ABAT: variants seen among roughly 807,000 people sequenced by gnomAD.
ABAT encodes 4-aminobutyrate aminotransferase, mitochondrial.
Under a neutral mutation model 64.6 loss-of-function variants are expected in ABAT, and 45 were observed. The observed-to-expected ratio is 0.70, with a 90% CI of 0.55 to 0.89. The LOEUF (loss-of-function observed/expected upper bound fraction) is 0.89. Among genes scored for constraint, ABAT ranks in the 40% least tolerant of loss-of-function variants. ABAT has a pLI of 0.00. For missense variants in ABAT, 633 were observed against 658.4 expected (o/e 0.96, Z 0.42); for synonymous variants, 297 against 250.5 (o/e 1.19, Z -1.75).
intron 2 of ABAT, among the ~76,000 whole-genome samples, chr16:8,740,732 T>C (rs2059140061): frequency 6.6e-6 from 1 of 152,248 alleles, no homozygotes; most frequent in Admixed American, 6.5e-5. Flanking sequence ...CTTATGTTGG[T>C]AAATAGAATA....
chr16:8,721,379 G>C (rs1378630730), intron 1 of ABAT, among the ~76,000 whole-genome samples: 1 of 152,120 alleles, frequency 6.6e-6, no homozygotes, highest in Non-Finnish European at 1.5e-5. Context: ...GTAATTAACA[G>C]TAGTTCTCAG....
intron 1 of ABAT, among the ~76,000 whole-genome samples, chr16:8,677,774 G>A (rs952821136): frequency 6.6e-6 from 1 of 152,136 alleles, no homozygotes; most frequent in Non-Finnish European, 1.5e-5. Flanking sequence ...TCTAATACAT[G>A]GCCTTAAACA....
chr16:8,720,554 C>T (rs978704357), intron 1 of ABAT, among the ~76,000 whole-genome samples: 12 of 152,168 alleles, frequency 7.9e-5, no homozygotes, highest in African/African-American at 2.7e-4. Context: ...CAGCTGAAGT[C>T]GGAGGAGAAA....
At position 8,784,532 on chromosome 16, in the gene ABAT, G is replaced by T. The variant is rs1354513082; in HGVS notation, c.*3102G>T. 6.6e-6 allele frequency: 1 copy of T among 152,062 alleles called. No homozygotes were observed. Among genetic ancestry groups the T allele is most frequent in the Non-Finnish European group, 1.5e-5 (1 of 68,036 alleles). The allele number at this position is 152,062 out of a possible 1,614,324, so 9.4% of individuals were successfully genotyped here. On this transcript the variant is annotated 3_prime_UTR_variant, in exon 16 of 16. Coordinates refer to ENST00000268251, the MANE Select transcript of ABAT (RefSeq NM_020686.6). ...ATTCCATGAATTAAATCTGTTTCCTGTGTTAGTCAGTATTCTTAAATAAAA... is the reference window on the plus strand; with the variant it reads ...ATTCCATGAATTAAATCTGTTTCCTTTGTTAGTCAGTATTCTTAAATAAAA...
intron 5 of ABAT, among the ~76,000 whole-genome samples, 173 bp from the exon 6 acceptor site, chr16:8,757,584 G>C (rs959163308): frequency 1.3e-5 from 2 of 152,182 alleles, no homozygotes; most frequent in African/African-American, 4.8e-5. Context: ...TCTGAGTCAG[G>C]GATGTTAGGT....
intron 1 of ABAT, among the ~76,000 whole-genome samples, chr16:8,726,410 G>A (rs531316806): frequency 1.3e-5 from 2 of 151,984 alleles, no homozygotes; most frequent in Non-Finnish European, 2.9e-5. Flanking sequence ...ACAGGCATGG[G>A]TCACCACACC....
intron 1 of ABAT, among the ~76,000 whole-genome samples, chr16:8,689,529 C>T (rs1242365096): frequency 6.6e-6 from 1 of 152,222 alleles, no homozygotes; most frequent in African/African-American, 2.4e-5. Context: ...ATCATATGCA[C>T]AACTTCTACC....
At chr16:8,710,055 C>T (rs186364725) in intron 1 of ABAT, among the ~76,000 whole-genome samples, 14 of 152,096 alleles carry the variant, frequency 9.2e-5, no homozygotes, top group South Asian at 4.2e-4. Flanking sequence ...TCAAGGAATC[C>T]GCCCACTTTG....
intron 14 of ABAT, among the ~76,000 whole-genome samples, chr16:8,777,692 T>G (rs889681699): frequency 2.0e-5 from 3 of 152,160 alleles, no homozygotes; most frequent in Admixed American, 2.0e-4. Context: ...GTGTTCAAAC[T>G]GCCAGCTCCC....
chr16:8,727,650 C>T (rs576162081), intron 1 of ABAT, among the ~76,000 whole-genome samples: 29 of 152,252 alleles, frequency 1.9e-4, no homozygotes, highest in Admixed American at 9.8e-4. Flanking sequence ...AGAAAGTATT[C>T]ACATGATGGG....
At chr16:8,745,855 C>T in intron 2 of ABAT, 146 bp from the exon 3 acceptor site, 1 of 772,508 alleles carries the variant, frequency 1.3e-6, no homozygotes, top group Non-Finnish European at 2.2e-6. Context: ...TTGGTCTGTC[C>T]AGACACAGTG....
At chr16:8,758,521 G>A (rs566217800) in intron 6 of ABAT, among the ~76,000 whole-genome samples, 10 of 152,192 alleles carry the variant, frequency 6.6e-5, no homozygotes, top group East Asian at 5.8e-4. Context: ...GTTTTCAGAC[G>A]CCACCTAGGC....
chr16:8,687,096 A>G (rs1567270480), intron 1 of ABAT, among the ~76,000 whole-genome samples: 1 of 152,122 alleles, frequency 6.6e-6, no homozygotes, highest in Non-Finnish European at 1.5e-5. Flanking sequence ...CTTGAGAGGA[A>G]GAGATGGTGG....
At chr16:8,681,085 A>T (rs147676650) in intron 1 of ABAT, among the ~76,000 whole-genome samples, 4,250 of 150,950 alleles carry the variant, frequency 0.028, 100 homozygotes, top group Non-Finnish European at 0.039. Flanking sequence ...AAGCTCAAAC[A>T]ATCCTTCTGC....
Position 8,735,784 on chromosome 16 carries a change from G to A in ABAT, c.45G>A (p.Gln15=), listed in dbSNP as rs138270964. 1.9e-6 allele frequency: 3 copies of A among 1,607,430 alleles called. No homozygotes were observed. The highest frequency in any genetic ancestry group is 1.3e-5 in the African/African-American group (1 of 74,894). ...LLAQRLACSF[Q]HSYRLLVPGS... is the part of the protein sequence containing the mutation. Reference sequence around the variant, plus strand: ...CCCAGCGCCTGGCCTGCAGCTTCCAGCACAGCTACCGCCTGCTGGTGCCTG... The same window carrying A: ...CCCAGCGCCTGGCCTGCAGCTTCCAACACAGCTACCGCCTGCTGGTGCCTG... Residue 15 remains glutamine, a synonymous_variant, in exon 2 of 16, where the codon CAG becomes CAA. Transcript: ENST00000268251.
Position 8,783,571 on chromosome 16 carries a change from A to G in ABAT, c.*2141A>G, listed in dbSNP as rs2060486152. On this transcript the variant is annotated 3_prime_UTR_variant, in exon 16 of 16. Coordinates refer to ENST00000268251, the MANE Select transcript of ABAT (RefSeq NM_020686.6). ...ATCAGTTCATGGCATCACATCTTTCACTGGGGAAGCCAGTTTCCACAGGCA... is the reference window on the plus strand; with the variant it reads ...ATCAGTTCATGGCATCACATCTTTCGCTGGGGAAGCCAGTTTCCACAGGCA... The G allele has an allele frequency of 6.6e-6, 1 of 152,268 alleles. No homozygotes were observed. Among genetic ancestry groups the G allele is most frequent in the African/African-American group, 2.4e-5 (1 of 41,480 alleles). 9.4% of individuals were successfully genotyped at this position (152,268 alleles called of 1,614,324 possible).
chr16:8,694,880 C>T (rs1555484179), intron 1 of ABAT, among the ~76,000 whole-genome samples: 2 of 152,194 alleles, frequency 1.3e-5, no homozygotes, highest in African/African-American at 2.4e-5. Flanking sequence ...GGCAGGCCGC[C>T]GCATCCTAAC....
chr16:8,721,650 C>T (rs1402176358), intron 1 of ABAT, among the ~76,000 whole-genome samples: 1 of 152,200 alleles, frequency 6.6e-6, no homozygotes, highest in African/African-American at 2.4e-5. Flanking sequence ...GGTAGGTGAA[C>T]AGTAAGTAAA....
intron 1 of ABAT, among the ~76,000 whole-genome samples, chr16:8,709,863 C>T (rs1428917954): frequency 6.6e-6 from 1 of 150,944 alleles, no homozygotes; most frequent in African/African-American, 2.4e-5. Context: ...ACTTTGTCAC[C>T]CAGGCTGGAG....
Sources: gnomAD v4.1 joint callset for allele counts (sites outside exome capture counted in the v4.1 genomes callset) on GRCh38, gnomAD v4.1.1 for gene constraint, MANE v1.5 for transcripts, NCBI Gene and HGNC (gene_info 2026-07-23, HGNC 2026-07-21) for gene names.